Variants in EMX1 observed in about 807,000 individuals in gnomAD.
The protein encoded by EMX1 is homeobox protein EMX1.
Under a neutral mutation model 20.1 loss-of-function variants are expected in EMX1, and 10 were observed. The observed-to-expected ratio is 0.50, with a 90% CI of 0.31 to 0.84. The LOEUF is 0.84. Among genes scored for constraint, EMX1 ranks in the 40% least tolerant of loss-of-function variants. The pLI is 0.05. For missense variants in EMX1, 424 were observed against 431.9 expected (o/e 0.98, Z 0.16); for synonymous variants, 250 against 200.4 (o/e 1.25, Z -2.09).
At position 72,930,022 on chromosome 2, in the gene EMX1, A is replaced by T. The variant is rs1671258102; in HGVS notation, c.706-3765A>T. Among the ~76,000 whole-genome samples the T allele has an allele frequency of 6.6e-6, 1 of 152,230 alleles. No individual in the cohort carries two copies. On this transcript the variant is annotated intron_variant, in intron 2 of 2. Coordinates refer to ENST00000258106, the MANE Select transcript of EMX1 (RefSeq NM_004097.3). The surrounding 1 kb of genome is among the most constrained non-coding windows in gnomAD (Gnocchi z 4.4). ...AACTGGCCCTCTTGCAAAAGTGTCCACAAAACTAAGAAAAAGATCCAGTTT... is the reference window on the plus strand; with the variant it reads ...AACTGGCCCTCTTGCAAAAGTGTCCTCAAAACTAAGAAAAAGATCCAGTTT...
At chr2:72,926,261 G>A in intron 2 of EMX1, 1 of 985,400 alleles carries the variant, frequency 1.0e-6, no homozygotes, top group Non-Finnish European at 1.2e-6. Flanking sequence ...CTAGCTGCCT[G>A]TCAATATTTG....
At chr2:72,932,511 G>A (rs560308523) in intron 2 of EMX1, among the ~76,000 whole-genome samples, 6 of 152,298 alleles carry the variant, frequency 3.9e-5, no homozygotes, top group East Asian at 3.9e-4. Context: ...AAAGAACCAC[G>A]GAGTCAGGGA....
chr2:72,925,767 C>T, intron 2 of EMX1: 1 of 985,410 alleles, frequency 1.0e-6, no homozygotes, highest in Non-Finnish European at 1.2e-6. Flanking sequence ...CTTCGGCGGA[C>T]CTTACCCTCT....
chr2:72,917,395 C>T (rs1218394327), upstream of EMX1: 5 of 247,076 alleles, frequency 2.0e-5, no homozygotes, highest in African/African-American at 9.0e-5. Context: ...AGGCTCCAGT[C>T]CGGCTTTTGC....
intron 1 of EMX1, among the ~76,000 whole-genome samples, chr2:72,921,110 A>G (rs1671096277): frequency 6.6e-6 from 1 of 152,160 alleles, no homozygotes; most frequent in Admixed American, 6.5e-5. Context: ...CGAAGACTGC[A>G]GCTCGGACCC....
upstream of EMX1, chr2:72,916,622 G>A: frequency 1.5e-6 from 1 of 684,704 alleles, no homozygotes. Context: ...CGGGTGGAAG[G>A]TGAAGGTCGA....
rs1168255978 is a variant in EMX1 at position 72,920,795 on chromosome 2, C to T, written c.520+2423C>T. On this transcript the variant is annotated intron_variant, in intron 1 of 2. Coordinates refer to ENST00000258106, the MANE Select transcript of EMX1 (RefSeq NM_004097.3). ...CGAAGGTCGGGGCCGCTCGCGAGCA[C>T]CGAAGGGGAGGAGCCGACGAAGACC... 2.6e-5 allele frequency among the ~76,000 whole-genome samples: 4 copies of T among 152,208 alleles called. No individual in the cohort carries two copies. In the East Asian group the frequency reaches 7.7e-4, roughly 29 times the overall value.
At chr2:72,918,477 G>A (rs975208941) in intron 1 of EMX1, 105 bp downstream of exon 1, 1 of 1,307,844 alleles carries the variant, frequency 7.6e-7, no homozygotes, top group Non-Finnish European at 9.7e-7. Flanking sequence ...GTTACTGCCG[G>A]GAAGGCTGCA....
upstream of EMX1, chr2:72,917,375 C>T (rs1670982904): frequency 6.8e-6 from 2 of 296,026 alleles, no homozygotes; most frequent in South Asian, 1.0e-4. Flanking sequence ...AGGCCTGGAT[C>T]TCCCCGCGAA....
rs763196199 is a variant in EMX1, at chr2:72,933,956, G to C, written c.*2G>C. ...ATCGATGTCACCTCCAATGACTAGG[G>C]TGGGCAACCACAAACCCACGAGGGC... On this transcript the variant is annotated 3_prime_UTR_variant, in exon 3 of 3. Transcript: ENST00000258106. 2.5e-6 allele frequency: 4 copies of C among 1,614,112 alleles called. No individual in the cohort carries two copies. The Admixed American group carries it at 6.7e-5, about 27-fold the overall frequency.
In EMX1 at chr2:72,930,020, C is replaced by T. The variant is rs1671258070; in HGVS notation, c.706-3767C>T. On this transcript the variant is annotated intron_variant, in intron 2 of 2. Coordinates refer to ENST00000258106, the MANE Select transcript of EMX1 (RefSeq NM_004097.3). The surrounding 1 kb of genome is among the most constrained non-coding windows in gnomAD (Gnocchi z 4.4). Reference sequence around the variant, plus strand: ...AAAACTGGCCCTCTTGCAAAAGTGTCCACAAAACTAAGAAAAAGATCCAGT... The same window carrying T: ...AAAACTGGCCCTCTTGCAAAAGTGTTCACAAAACTAAGAAAAAGATCCAGT... Among the ~76,000 whole-genome samples, 1 of 152,206 alleles carries T rather than the reference C, an allele frequency of 6.6e-6. No homozygotes were observed. Among genetic ancestry groups the T allele is most frequent in the Non-Finnish European group, 1.5e-5 (1 of 68,038 alleles).
intron 2 of EMX1, chr2:72,926,104 T>G (rs570019832): frequency 9.6e-4 from 947 of 984,240 alleles, no homozygotes; most frequent in Non-Finnish European, 1.1e-3. Context: ...TTATTAAATT[T>G]TAATTGCAGA....
upstream of EMX1, chr2:72,917,483 G>T (rs1380244269): frequency 5.3e-6 from 1 of 188,696 alleles, no homozygotes; most frequent in African/African-American, 2.3e-5. Context: ...GCAGGTGAGC[G>T]GCGGCCAATG....
chr2:72,916,759 A>G (rs747975395), upstream of EMX1: 20 of 717,190 alleles, frequency 2.8e-5, no homozygotes, highest in Middle Eastern at 1.4e-3. Flanking sequence ...CGGCCCGCCG[A>G]CACTTGAGCC....
At chr2:72,928,355 A>C (rs529513333) in intron 2 of EMX1, among the ~76,000 whole-genome samples, 11 of 152,332 alleles carry the variant, frequency 7.2e-5, no homozygotes, top group Admixed American at 4.6e-4. Flanking sequence ...GGGTGTGTGC[A>C]ACATGTGTCT....
intron 1 of EMX1, 47 bp downstream of exon 1, chr2:72,918,419 G>T (rs751904534): frequency 6.2e-4 from 838 of 1,356,602 alleles, no homozygotes; most frequent in Non-Finnish European, 7.2e-4. Flanking sequence ...CGGCGCCCGT[G>T]CTGCGGCGAT....
At chr2:72,924,176 T>C in intron 1 of EMX1, 133 bp from the exon 2 acceptor site, 1 of 1,103,700 alleles carries the variant, frequency 9.1e-7, no homozygotes, top group Admixed American at 2.0e-5. Context: ...GGCGTGTGTG[T>C]GCGTGTCAAG....
chr2:72,917,184 C>T, upstream of EMX1: 1 of 607,112 alleles, frequency 1.6e-6, no homozygotes, highest in South Asian at 2.0e-5. Flanking sequence ...ACTGAAACGA[C>T]ATCCCGGGAC....
At position 72,930,727 on chromosome 2, in the gene EMX1, C is replaced by T. The variant is rs997679218; in HGVS notation, c.706-3060C>T. ...AGGGGCTCTGAAGGATCCAGAGTTGCCTGGCTGGGTTGGAGAGGTCATGAA... is the reference window on the plus strand; with the variant it reads ...AGGGGCTCTGAAGGATCCAGAGTTGTCTGGCTGGGTTGGAGAGGTCATGAA... On this transcript the variant is annotated intron_variant, in intron 2 of 2. Transcript: ENST00000258106. The surrounding 1 kb of genome is among the most constrained non-coding windows in gnomAD (Gnocchi z 4.4). 2.0e-4 allele frequency among the ~76,000 whole-genome samples: 30 copies of T among 152,184 alleles called. No individual in the cohort carries two copies. Among genetic ancestry groups the T allele is most frequent in the African/African-American group, 7.2e-4 (30 of 41,438 alleles).
Sources: allele counts gnomAD v4.1 joint callset (sites outside exome capture counted in the v4.1 genomes callset), GRCh38; gene constraint gnomAD v4.1.1; non-coding constraint Gnocchi (gnomAD v3.1); transcripts MANE v1.5; gene names NCBI Gene and HGNC (gene_info 2026-07-23, HGNC 2026-07-21).